UVRAG: variants seen among roughly 807,000 people sequenced by gnomAD.
The protein encoded by UVRAG is UV radiation resistance associated.
In UVRAG, 19 loss-of-function variants were observed where a neutral mutation model predicts 78.0. The ratio of observed to expected loss-of-function variants is 0.24; its 90% CI spans 0.17 to 0.36. The LOEUF (loss-of-function observed/expected upper bound fraction) is 0.36. Ranked by LOEUF, UVRAG falls within the 10% of genes least tolerant of loss-of-function variation. UVRAG has a pLI of 1.00. For synonymous variants in UVRAG, 323 were observed against 324.6 expected (o/e 1.00, Z 0.05); for missense variants, 740 against 853.8 (o/e 0.87, Z 1.66).
Position 75,920,043 on chromosome 11 carries a change from T to G in UVRAG, c.593+8004T>G, listed in dbSNP as rs915777658. On this transcript the variant is annotated intron_variant, in intron 6 of 14. Transcript: ENST00000356136. ...TTTTTTTTTTTTTTTTTTTTTTTTT[T>G]GGGACGAAGTCTCGCTCTGTTGCCC... 2.0e-3 allele frequency among the ~76,000 whole-genome samples: 202 copies of G among 103,086 alleles called. 1 individual carries two copies. Among genetic ancestry groups the G allele is most frequent in the African/African-American group, 6.9e-3 (194 of 27,928 alleles). 67.6% of individuals were successfully genotyped at this position (103,086 alleles called of 152,430 possible).
chr11:75,844,785 C>T (rs1945999660), intron 1 of UVRAG, among the ~76,000 whole-genome samples: 1 of 151,460 alleles, frequency 6.6e-6, no homozygotes. Context: ...GTGATTCTTG[C>T]ACCTCAGCCT....
intron 8 of UVRAG, among the ~76,000 whole-genome samples, chr11:75,993,412 T>A (rs201161724): frequency 1.3e-5 from 2 of 152,194 alleles, no homozygotes; most frequent in East Asian, 3.8e-4. Flanking sequence ...CATGAGCTGA[T>A]CTTTTCAGTA....
intron 6 of UVRAG, chr11:75,916,779 AG>A (rs1947866103): frequency 6.6e-6 from 1 of 152,208 alleles, no homozygotes; most frequent in Admixed American, 6.5e-5. Context: ...AAACCTGATT[AG>A]TTGGGTTGGG....
chr11:75,949,754 CATATGTAT>C (rs1344948763), intron 6 of UVRAG, among the ~76,000 whole-genome samples: 3 of 148,478 alleles, frequency 2.0e-5, no homozygotes, highest in African/African-American at 7.5e-5. Flanking sequence ...TATATACACA[CATATGTAT>C]ACATATATAC....
At position 75,939,576 on chromosome 11, in the gene UVRAG, T is replaced by C. The variant is rs183550815; in HGVS notation, c.594-21868T>C. Among the ~76,000 whole-genome samples, 297 of 152,134 alleles carry C rather than the reference T, an allele frequency of 2.0e-3. 1 individual carries two copies. The highest frequency in any genetic ancestry group is 3.7e-3 in the Non-Finnish European group (253 of 67,972). ...ACATAGACTCACACATATGCATACA[T>C]ACACACACACATACACACCCTTTGT... is the stretch of plus-strand genomic sequence containing the variant. On this transcript the variant is annotated intron_variant, in intron 6 of 14. Coordinates refer to ENST00000356136, the MANE Select transcript of UVRAG (RefSeq NM_003369.4).
chr11:76,105,979 A>G (rs527548720), intron 13 of UVRAG, among the ~76,000 whole-genome samples: 82 of 152,340 alleles, frequency 5.4e-4, no homozygotes, highest in Middle Eastern at 6.8e-3. Flanking sequence ...CAACCCAGCA[A>G]TTCCACTCCT....
intron 1 of UVRAG, among the ~76,000 whole-genome samples, chr11:75,828,782 T>C (rs558399874): frequency 0.021 from 1,501 of 72,512 alleles, 23 homozygotes; most frequent in East Asian, 0.046. Flanking sequence ...TATACACACA[T>C]ATATATATAT....
At chr11:76,025,831 G>A (rs1373481635) in intron 12 of UVRAG, among the ~76,000 whole-genome samples, 2 of 152,066 alleles carry the variant, frequency 1.3e-5, no homozygotes, top group East Asian at 3.8e-4. Flanking sequence ...TTGTGACTAG[G>A]TGCATAAGGC....
intron 8 of UVRAG, among the ~76,000 whole-genome samples, chr11:76,003,423 G>A (rs1195694131): frequency 1.3e-5 from 2 of 151,762 alleles, no homozygotes; most frequent in Admixed American, 6.6e-5. Flanking sequence ...GTTTCACCAT[G>A]TTAGCCAGGC....
At chr11:75,837,282 A>G (rs7122123) in intron 1 of UVRAG, among the ~76,000 whole-genome samples, 28,192 of 148,374 alleles carry the variant, frequency 0.19, 4,106 homozygotes, top group African/African-American at 0.41. Flanking sequence ...AGCTGAGATC[A>G]CGCCACTGCA....
At chr11:76,092,251 G>A (rs1240558853) in intron 13 of UVRAG, among the ~76,000 whole-genome samples, 1 of 152,110 alleles carries the variant, frequency 6.6e-6, no homozygotes, top group African/African-American at 2.4e-5. Flanking sequence ...TGGACATTTG[G>A]GTTGGTTCCA....
chr11:75,923,858 A>G (rs1011291074), intron 6 of UVRAG, among the ~76,000 whole-genome samples: 1 of 152,112 alleles, frequency 6.6e-6, no homozygotes, highest in African/African-American at 2.4e-5. Flanking sequence ...TTTACAGCAC[A>G]TTTTCTAATT....
At chr11:76,035,026 G>C (rs1316620533) in intron 12 of UVRAG, among the ~76,000 whole-genome samples, 1 of 152,166 alleles carries the variant, frequency 6.6e-6, no homozygotes, top group East Asian at 1.9e-4. Context: ...GTCTCTTGGA[G>C]TTGATTGACA....
At position 75,828,805 on chromosome 11, in the gene UVRAG, A is replaced by ATTT. The variant is rs1251955061; in HGVS notation, c.117+13292_117+13294dup. 1.5e-3 allele frequency among the ~76,000 whole-genome samples: 149 copies of ATTT among 100,242 alleles called. 2 individuals are homozygous for ATTT. Among genetic ancestry groups the ATTT allele is most frequent in the East Asian group, 6.1e-3 (21 of 3,460 alleles). The allele number at this position is 100,242 out of a possible 152,430, so 65.8% of individuals were successfully genotyped here. ...CATATATATATATATATATATATATATTTTTTTTTTTTTGTAGAGACAGGG... is the reference window on the plus strand; with the variant it reads ...CATATATATATATATATATATATATATTTTTTTTTTTTTTTTGTAGAGACAGGG... On this transcript the variant is annotated intron_variant, in intron 1 of 14. Coordinates refer to ENST00000356136, the MANE Select transcript of UVRAG (RefSeq NM_003369.4).
At chr11:75,910,818 C>A (rs974592953) in intron 5 of UVRAG, among the ~76,000 whole-genome samples, 28 of 152,094 alleles carry the variant, frequency 1.8e-4, no homozygotes, top group Non-Finnish European at 2.8e-4. Context: ...AGAAAGTATC[C>A]TTGCTACTTT....
rs192250510 is a variant in UVRAG, at chr11:75,831,360, C to T, written c.117+15836C>T. 4.2e-3 allele frequency among the ~76,000 whole-genome samples: 645 copies of T among 152,098 alleles called. 10 individuals are homozygous for T. The highest frequency in any genetic ancestry group is 0.026 in the East Asian group (136 of 5,180). ...AAAATTAGCCGGGTGTGGTGGCAGG[C>T]GCCTGTAATCCCAGCTACTTGGGAG... is the stretch of plus-strand genomic sequence containing the variant. On this transcript the variant is annotated intron_variant, in intron 1 of 14. Transcript: ENST00000356136.
chr11:76,030,462 G>A (rs1950415761), intron 12 of UVRAG, among the ~76,000 whole-genome samples: 1 of 152,166 alleles, frequency 6.6e-6, no homozygotes, highest in South Asian at 2.1e-4. Context: ...TGTGTGCCTT[G>A]GAAGATACGG....
intron 3 of UVRAG, among the ~76,000 whole-genome samples, chr11:75,871,282 C>CTTTT (rs769390519): frequency 7.2e-5 from 9 of 124,406 alleles, no homozygotes; most frequent in South Asian, 2.5e-4. Flanking sequence ...GGCATATGCC[C>CTTTT]TTTTTTTTTT....
chr11:76,126,111 G>C (rs955743273), intron 14 of UVRAG, among the ~76,000 whole-genome samples: 1 of 134,220 alleles, frequency 7.5e-6, no homozygotes, highest in Non-Finnish European at 1.5e-5. Flanking sequence ...CACCTCACCC[G>C]GCTAATTTTT....
Sources: allele counts gnomAD v4.1 joint callset (sites outside exome capture counted in the v4.1 genomes callset), GRCh38; gene constraint gnomAD v4.1.1; transcripts MANE v1.5; gene names NCBI Gene and HGNC (gene_info 2026-07-23, HGNC 2026-07-21).